PCDH15: variants seen among roughly 807,000 people sequenced by gnomAD.
PCDH15 encodes the protein protocadherin related 15.
In PCDH15, 129 loss-of-function variants were observed where a neutral mutation model predicts 178.5. That is an observed-to-expected ratio of 0.72 (90% CI 0.63 to 0.84). The LOEUF (loss-of-function observed/expected upper bound fraction) is 0.84, where lower values mean the gene tolerates loss of function less well. Among genes scored for constraint, PCDH15 ranks in the 40% least tolerant of loss-of-function variants. PCDH15 has a pLI of 0.00. For synonymous variants in PCDH15, 800 were observed against 732.0 expected (o/e 1.09, Z -1.50); for missense variants, 2,230 against 2,099.9 (o/e 1.06, Z -1.21).
Position 55,003,445 on chromosome 10 carries a change from T to G in PCDH15, c.-79-105945A>C, listed in dbSNP as rs903663996. Among the ~76,000 whole-genome samples, 6 of 144,572 alleles carry G rather than the reference T, an allele frequency of 4.2e-5. No individual in the cohort carries two copies. The South Asian group carries it at 6.6e-4, about 16-fold the overall frequency. 94.8% of individuals were successfully genotyped at this position (144,572 alleles called of 152,430 possible). A position where few individuals can be genotyped will look rare whatever the true frequency, so the allele number is the denominator to read the frequency against. ...CAGAAATAATATTGAAACATTGCTG[T>G]TTTTTTTTTTTCAGAGTCTAGAGAA... On this transcript the variant is annotated intron_variant, in intron 2 of 5. Coordinates refer to the PCDH15 transcript ENST00000458638.
chr10:54,820,295 C>T (rs1027659682), intron 3 of PCDH15, among the ~76,000 whole-genome samples: 2 of 151,966 alleles, frequency 1.3e-5, no homozygotes, highest in African/African-American at 4.8e-5. Context: ...TGAAATGAAT[C>T]ACTCATCAGG....
At chr10:54,364,186 T>A (rs1047304456) in intron 5 of PCDH15, among the ~76,000 whole-genome samples, 1 of 144,158 alleles carries the variant, frequency 6.9e-6, no homozygotes, top group African/African-American at 2.6e-5. Context: ...CACTCCAGCC[T>A]GGGCAAAAAA....
intron 3 of PCDH15, among the ~76,000 whole-genome samples, chr10:54,458,737 C>G (rs1213868444): frequency 6.6e-6 from 1 of 152,126 alleles, no homozygotes; most frequent in African/African-American, 2.4e-5. Flanking sequence ...TGACTGAACT[C>G]AACAGTCATT....
chr10:54,342,574 T>A (rs1029286660), intron 6 of PCDH15, among the ~76,000 whole-genome samples: 3 of 100,634 alleles, frequency 3.0e-5, no homozygotes, highest in Non-Finnish European at 5.9e-5. Flanking sequence ...AAAGTGGAAT[T>A]GGAGTCCCCA....
At chr10:55,284,623 A>C (rs1243860207) in intron 1 of PCDH15, among the ~76,000 whole-genome samples, 1 of 151,954 alleles carries the variant, frequency 6.6e-6, no homozygotes, top group African/African-American at 2.4e-5. Context: ...TCAGTCACTC[A>C]ATCTGTATTT....
intron 3 of PCDH15, among the ~76,000 whole-genome samples, chr10:54,855,736 C>T (rs1953729692): frequency 6.6e-6 from 1 of 152,104 alleles, no homozygotes; most frequent in South Asian, 2.1e-4. Flanking sequence ...TATGATCATC[C>T]TGCAAGGCCC....
chr10:54,175,658 A>G (rs11004119), intron 13 of PCDH15, among the ~76,000 whole-genome samples: 3,468 of 152,296 alleles, frequency 0.023, 125 homozygotes, highest in African/African-American at 0.076. Flanking sequence ...GTAATGGTAC[A>G]AAGTGGCAGA....
At chr10:55,303,195 A>G (rs1843332398) in intron 1 of PCDH15, among the ~76,000 whole-genome samples, 1 of 152,158 alleles carries the variant, frequency 6.6e-6, no homozygotes, top group Admixed American at 6.5e-5. Context: ...TATGGGTCAT[A>G]GCTAGTATTT....
chr10:54,764,113 T>A (rs1457113056), intron 1 of PCDH15, among the ~76,000 whole-genome samples: 2 of 151,984 alleles, frequency 1.3e-5, no homozygotes, highest in Admixed American at 1.3e-4. Flanking sequence ...AAATATATAT[T>A]TTTTTCAGTG....
intron 13 of PCDH15, among the ~76,000 whole-genome samples, chr10:54,171,351 C>T (rs987505047): frequency 6.6e-6 from 1 of 152,208 alleles, no homozygotes; most frequent in African/African-American, 2.4e-5. Flanking sequence ...ACCACTTTCC[C>T]TTCTCAGAAT....
chr10:54,639,254 A>C (rs2093935801), intron 2 of PCDH15, among the ~76,000 whole-genome samples: 1 of 152,168 alleles, frequency 6.6e-6, no homozygotes, highest in Admixed American at 6.6e-5. Context: ...ATTATTTTCA[A>C]CTTCCAAAGT....
At chr10:55,146,969 T>C (rs1838531281) in intron 2 of PCDH15, among the ~76,000 whole-genome samples, 1 of 151,584 alleles carries the variant, frequency 6.6e-6, no homozygotes, top group African/African-American at 2.4e-5. Flanking sequence ...AAAGAAATAA[T>C]CTATTTTAAA....
intron 2 of PCDH15, among the ~76,000 whole-genome samples, chr10:55,101,626 T>A (rs1842579891): frequency 2.0e-5 from 3 of 151,868 alleles, no homozygotes. Flanking sequence ...ATAAATTTTT[T>A]AAATACTGGA....
intron 18 of PCDH15, among the ~76,000 whole-genome samples, chr10:54,062,022 CA>C (rs1490803065): frequency 6.6e-6 from 1 of 151,802 alleles, no homozygotes; most frequent in Admixed American, 6.6e-5. Context: ...GTCAGAAGTT[CA>C]AGATCAGCCT....
chr10:54,100,613 C>T (rs1163472183), intron 15 of PCDH15, among the ~76,000 whole-genome samples: 1 of 152,032 alleles, frequency 6.6e-6, no homozygotes, highest in Non-Finnish European at 1.5e-5. Flanking sequence ...CATGCATTTA[C>T]TAAACTCTTA....
chr10:53,912,681 T>G (rs865864455), intron 25 of PCDH15, among the ~76,000 whole-genome samples: 5 of 152,108 alleles, frequency 3.3e-5, no homozygotes, highest in Admixed American at 1.3e-4. Context: ...TGAGTGAACT[T>G]CCATTCACAG....
intron 29 of PCDH15, among the ~76,000 whole-genome samples, chr10:53,839,750 T>A (rs2077528741): frequency 6.6e-6 from 1 of 152,078 alleles, no homozygotes; most frequent in South Asian, 2.1e-4. Context: ...TCTTTAAGAT[T>A]CTGCACTTTA....
intron 21 of PCDH15, among the ~76,000 whole-genome samples, chr10:53,988,209 C>T (rs983915729): frequency 3.9e-5 from 6 of 152,110 alleles, no homozygotes; most frequent in Non-Finnish European, 7.4e-5. Context: ...CAACCTTAGC[C>T]TCACACTGCC....
chr10:55,472,229 G>A (rs1211824340), intron 2 of PCDH15, among the ~76,000 whole-genome samples: 2 of 151,944 alleles, frequency 1.3e-5, no homozygotes, highest in African/African-American at 4.8e-5. Context: ...CTCATCTAAG[G>A]CATGTATCTA....
Sources: allele counts gnomAD v4.1 joint callset (sites outside exome capture counted in the v4.1 genomes callset), GRCh38; gene constraint gnomAD v4.1.1; transcripts MANE v1.5; gene names NCBI Gene and HGNC (gene_info 2026-07-23, HGNC 2026-07-21).